MARCHF10: variants seen among roughly 807,000 people sequenced by gnomAD.
MARCHF10 encodes the protein membrane associated ring-CH-type finger 10, also known as probable E3 ubiquitin-protein ligase MARCHF10.
MARCHF10 carries 64 observed loss-of-function variants against 76.2 expected under a neutral mutation model. The ratio of observed to expected loss-of-function variants is 0.84; its 90% confidence interval spans 0.69 to 1.03. The LOEUF (loss-of-function observed/expected upper bound fraction) is 1.03. MARCHF10 is among the 50% of genes least tolerant of loss of function. The pLI is 0.00. For synonymous variants in MARCHF10, 340 were observed against 357.5 expected (o/e 0.95, Z 0.55); for missense variants, 875 against 958.0 (o/e 0.91, Z 1.14).
At chr17:62,722,263 G>A (rs1325910982) in intron 8 of MARCHF10, among the ~76,000 whole-genome samples, 1 of 132,620 alleles carries the variant, frequency 7.5e-6, no homozygotes, top group Admixed American at 8.4e-5. Flanking sequence ...GGGCGACAGA[G>A]TGAGACTCTG....
At position 62,803,438 on chromosome 17, in the gene MARCHF10, A is replaced by C. The variant is rs78548420; in HGVS notation, c.-17-1686T>G. On this transcript the variant is annotated intron_variant, in intron 1 of 10. Transcript: ENST00000311269. ...AGTAATCTAGATGTGATAAGATGGC[A>C]ACCAGCATCGGGTAGCAACAGTGGA... 9.9e-4 allele frequency among the ~76,000 whole-genome samples: 151 copies of C among 152,326 alleles called. 1 individual carries two copies. Among genetic ancestry groups the C allele is most frequent in the African/African-American group, 3.5e-3 (146 of 41,576 alleles).
chr17:62,790,461 C>G (rs1387442987), intron 2 of MARCHF10, among the ~76,000 whole-genome samples: 2 of 152,244 alleles, frequency 1.3e-5, no homozygotes, highest in Admixed American at 1.3e-4. Context: ...CAGGCATGAG[C>G]CGCCACACCC....
chr17:62,764,640 C>T (rs532478176), intron 3 of MARCHF10, among the ~76,000 whole-genome samples: 1 of 152,290 alleles, frequency 6.6e-6, no homozygotes, highest in African/African-American at 2.4e-5. Flanking sequence ...AGCCCACACT[C>T]AAATTGTGCT....
chr17:62,724,089 G>T (rs1330678458), intron 7 of MARCHF10, among the ~76,000 whole-genome samples: 1 of 152,068 alleles, frequency 6.6e-6, no homozygotes, highest in Admixed American at 6.5e-5. Flanking sequence ...GGAGAAATAG[G>T]ATCTGGCTGT....
intron 2 of MARCHF10, among the ~76,000 whole-genome samples, chr17:62,795,285 A>C (rs1031343137): frequency 2.0e-5 from 3 of 150,028 alleles, no homozygotes; most frequent in African/African-American, 7.4e-5. Context: ...TGCCAAGTGT[A>C]ATCTTTGCCT....
intron 4 of MARCHF10, among the ~76,000 whole-genome samples, chr17:62,757,338 T>C (rs1174820597): frequency 6.6e-6 from 1 of 152,192 alleles, no homozygotes; most frequent in Admixed American, 6.5e-5. Flanking sequence ...AATATCTCTC[T>C]ACAGAGGAAA....
intron 4 of MARCHF10, among the ~76,000 whole-genome samples, chr17:62,755,737 TC>T (rs2092021050): frequency 6.6e-6 from 1 of 152,192 alleles, no homozygotes; most frequent in South Asian, 2.1e-4. Flanking sequence ...TGATTCTTCA[TC>T]TTTTTCCATT....
chr17:62,786,225 C>T (rs913182346), intron 3 of MARCHF10, among the ~76,000 whole-genome samples: 1 of 152,234 alleles, frequency 6.6e-6, no homozygotes, highest in Middle Eastern at 3.4e-3. Flanking sequence ...AGTTCATGTC[C>T]TTTGCAGGGA....
chr17:62,729,176 C>A (rs1294058166), intron 6 of MARCHF10, among the ~76,000 whole-genome samples: 1 of 151,844 alleles, frequency 6.6e-6, no homozygotes, highest in Admixed American at 6.6e-5. Flanking sequence ...TTCCTGAGCT[C>A]AAGGAATCTG....
At chr17:62,798,756 T>G (rs950629114) in intron 2 of MARCHF10, among the ~76,000 whole-genome samples, 1 of 152,186 alleles carries the variant, frequency 6.6e-6, no homozygotes, top group East Asian at 1.9e-4. Context: ...AGCTTTGCTC[T>G]TTTGTTCTTA....
At chr17:62,789,919 G>A (rs927482979) in intron 2 of MARCHF10, among the ~76,000 whole-genome samples, 11 of 152,158 alleles carry the variant, frequency 7.2e-5, no homozygotes, top group African/African-American at 2.7e-4. Context: ...GGGTGACAGA[G>A]CAAGAGTCTG....
At chr17:62,772,389 C>G (rs1447121307) in intron 3 of MARCHF10, among the ~76,000 whole-genome samples, 2 of 152,138 alleles carry the variant, frequency 1.3e-5, no homozygotes, top group African/African-American at 4.8e-5. Flanking sequence ...CATTAAACCT[C>G]TTTTTCTTTA....
At chr17:62,703,652 T>C (rs1363947245) in intron 10 of MARCHF10, among the ~76,000 whole-genome samples, 1 of 151,974 alleles carries the variant, frequency 6.6e-6, no homozygotes, top group Non-Finnish European at 1.5e-5. Context: ...AGGGGAGGGT[T>C]GGTGATGGGG....
chr17:62,775,551 A>G (rs1186126920), intron 3 of MARCHF10, among the ~76,000 whole-genome samples: 1 of 151,928 alleles, frequency 6.6e-6, no homozygotes, highest in African/African-American at 2.4e-5. Context: ...ATGGTACCCA[A>G]CACGGTGTCT....
At chr17:62,771,108 G>A (rs2092437455) in intron 3 of MARCHF10, among the ~76,000 whole-genome samples, 1 of 151,998 alleles carries the variant, frequency 6.6e-6, no homozygotes, top group Non-Finnish European at 1.5e-5. Context: ...AGCCGCCCAA[G>A]CCTCCCAATT....
Position 62,737,246 on chromosome 17 carries a change from G to A in MARCHF10, c.622C>T (p.Gln208Ter). 1 of 1,614,004 alleles carries A rather than the reference G, an allele frequency of 6.2e-7. No homozygotes were observed. The highest frequency in any genetic ancestry group is 2.2e-5 in the East Asian group (1 of 44,874). ...TCAGGGGCGTTCTCAGTCATTGGCT[G>A]TGACGATGGGACCAAGTTTCTTCTC... The part of the protein sequence containing the change: ...QERRNLVPSS[Q>*]PMTENAPDRA... The change falls in exon 6 of 11, where the codon CAG becomes TAG. Residue 208 changes from glutamine to a stop codon, truncating the protein, a stop_gained. Transcript: ENST00000311269. LOFTEE classifies it high-confidence loss of function.
intron 8 of MARCHF10, among the ~76,000 whole-genome samples, chr17:62,722,067 G>A (rs1381528486): frequency 6.6e-6 from 1 of 152,048 alleles, no homozygotes; most frequent in Non-Finnish European, 1.5e-5. Flanking sequence ...CAGATCACTT[G>A]AGATCAGGAG....
At chr17:62,729,113 A>T (rs552928519) in intron 6 of MARCHF10, among the ~76,000 whole-genome samples, 40 of 148,244 alleles carry the variant, frequency 2.7e-4, no homozygotes, top group African/African-American at 9.4e-4. Flanking sequence ...TTATTTATTT[A>T]TTTTTTTTTT....
chr17:62,718,159 G>A (rs2090314297), intron 8 of MARCHF10, among the ~76,000 whole-genome samples: 1 of 152,180 alleles, frequency 6.6e-6, no homozygotes, highest in Non-Finnish European at 1.5e-5. Flanking sequence ...TGAGGTGTGA[G>A]TTAACATCTC....
Sources: allele counts gnomAD v4.1 joint callset (sites outside exome capture counted in the v4.1 genomes callset), GRCh38; gene constraint gnomAD v4.1.1; transcripts MANE v1.5; gene names NCBI Gene and HGNC (gene_info 2026-07-23, HGNC 2026-07-21).